Variants in TIAM1 observed in about 807,000 individuals in gnomAD.
TIAM1 encodes the protein TIAM Rac1 associated GEF 1.
A neutral mutation model predicts 163.5 loss-of-function variants in TIAM1; 65 were observed. The observed-to-expected ratio is 0.40, with a 90% CI of 0.33 to 0.49. TIAM1 has a LOEUF of 0.49. Ranked by LOEUF, TIAM1 falls within the 20% of genes least tolerant of loss-of-function variation. The probability of loss-of-function intolerance (pLI) is 0.77; values close to 1 mark genes in which losing one functional copy is unlikely to be tolerated. For synonymous variants in TIAM1, 833 were observed against 810.1 expected (o/e 1.03, Z -0.48); for missense variants, 1,789 against 2,044.7 (o/e 0.87, Z 2.41).
chr21:31,375,821 G>A (rs1173243440), intron 2 of TIAM1, among the ~76,000 whole-genome samples: 1 of 152,162 alleles, frequency 6.6e-6, no homozygotes, highest in Non-Finnish European at 1.5e-5. Context: ...AAGGTCAGGA[G>A]TTCGAGACCA....
chr21:31,179,620 C>T lies in TIAM1; in HGVS notation c.2887+2801G>A, dbSNP rs2084922049. 2.0e-5 allele frequency among the ~76,000 whole-genome samples: 3 copies of T among 151,350 alleles called. No individual in the cohort carries two copies. In the South Asian group the frequency reaches 6.3e-4, roughly 32 times the overall value. Reference sequence around the variant, plus strand: ...TGTGTTTTAAAATAATGGCAGGGTCCATGGATTTAGCGCACAGCCTCCAAA... The same window carrying T: ...TGTGTTTTAAAATAATGGCAGGGTCTATGGATTTAGCGCACAGCCTCCAAA... On this transcript the variant is annotated intron_variant, in intron 15 of 27. Transcript: ENST00000541036.
rs970090334 is a variant in TIAM1 at position 31,353,568 on chromosome 21, C to T, written c.-368-14146G>A. ...TAGGGGCTGCTCATTCAATTTTCTA[C>T]CTGGTCCTCATGACAGCTCAGCAAG... On this transcript the variant is annotated intron_variant, in intron 2 of 28. Transcript: ENST00000286827. 1.6e-4 allele frequency among the ~76,000 whole-genome samples: 24 copies of T among 152,164 alleles called. 1 individual carries two copies. Among genetic ancestry groups the T allele is most frequent in the Non-Finnish European group, 2.1e-4 (14 of 68,038 alleles).
chr21:31,365,033 C>T (rs2076475482), intron 2 of TIAM1, among the ~76,000 whole-genome samples: 1 of 152,208 alleles, frequency 6.6e-6, no homozygotes, highest in African/African-American at 2.4e-5. Flanking sequence ...ATGATTTTTA[C>T]ATGACACCAA....
intron 2 of TIAM1, among the ~76,000 whole-genome samples, chr21:31,430,069 T>C (rs976909573): frequency 3.3e-5 from 5 of 151,660 alleles, no homozygotes; most frequent in African/African-American, 1.2e-4. Flanking sequence ...TAGCCAGGCG[T>C]GTTGGCGGGT....
At chr21:31,224,431 A>C (rs990510217) in intron 7 of TIAM1, among the ~76,000 whole-genome samples, 6 of 152,244 alleles carry the variant, frequency 3.9e-5, no homozygotes, top group African/African-American at 1.4e-4. Context: ...GATGTATGCT[A>C]CCATGTGTAT....
intron 13 of TIAM1, among the ~76,000 whole-genome samples, chr21:31,194,306 CT>C: frequency 6.6e-6 from 1 of 152,274 alleles, no homozygotes; most frequent in African/African-American, 2.4e-5. Context: ...AGAGGCTGAG[CT>C]CTGTGGGTCT....
At chr21:31,504,266 G>T (rs975701382) in intron 1 of TIAM1, among the ~76,000 whole-genome samples, 1 of 152,192 alleles carries the variant, frequency 6.6e-6, no homozygotes, top group Non-Finnish European at 1.5e-5. Flanking sequence ...AGGTAAAAGG[G>T]AGATCTGATT....
chr21:31,127,038 G>C (rs1377059221), intron 26 of TIAM1, 27 bp downstream of exon 26: 1 of 1,610,878 alleles, frequency 6.2e-7, no homozygotes, highest in Non-Finnish European at 8.5e-7. Context: ...TGTCAACACG[G>C]CCTCGACTTT....
chr21:31,209,991 T>C lies in TIAM1; in HGVS notation c.2388+54A>G, dbSNP rs148096911. ...GGGTTTCCACATGTGCCTTAGAAGA[T>C]TGCTACACCCCATTCTGCTCTTCTT... On this transcript the variant is annotated intron_variant, in intron 11 of 27. Coordinates refer to ENST00000541036, the MANE Select transcript of TIAM1 (RefSeq NM_001353694.2). 2.0e-4 allele frequency: 313 copies of C among 1,562,714 alleles called. No individual in the cohort carries two copies. In the African/African-American group the frequency reaches 3.7e-3, roughly 18 times the overall value.
At chr21:31,161,395 AG>A (rs2083915174) in intron 16 of TIAM1, among the ~76,000 whole-genome samples, 2 of 152,174 alleles carry the variant, frequency 1.3e-5, no homozygotes, top group Admixed American at 6.5e-5. Flanking sequence ...CACAGGAGAG[AG>A]GAGGCGGCTC....
chr21:31,196,907 A>C (rs544818022), intron 12 of TIAM1, among the ~76,000 whole-genome samples: 1 of 152,350 alleles, frequency 6.6e-6, no homozygotes, highest in Non-Finnish European at 1.5e-5. Flanking sequence ...AATACTATGT[A>C]GCCATGAAAA....
chr21:31,144,415 G>A (rs548588439), intron 20 of TIAM1, among the ~76,000 whole-genome samples: 41 of 152,334 alleles, frequency 2.7e-4, no homozygotes, highest in Non-Finnish European at 4.9e-4. Flanking sequence ...AGTTCACAGC[G>A]CTTGGCGCAG....
At chr21:31,459,564 A>T (rs1005958415) in intron 2 of TIAM1, among the ~76,000 whole-genome samples, 2 of 152,224 alleles carry the variant, frequency 1.3e-5, no homozygotes, top group African/African-American at 4.8e-5. Flanking sequence ...ATGTTTAATT[A>T]TTAGTGGTCT....
intron 2 of TIAM1, among the ~76,000 whole-genome samples, chr21:31,329,332 G>C (rs16988108): frequency 8.5e-5 from 13 of 152,208 alleles, no homozygotes; most frequent in Admixed American, 1.3e-4. Context: ...AAGACAACCC[G>C]CAAGAAGAAA....
chr21:31,403,295 G>A (rs958338066), intron 2 of TIAM1, among the ~76,000 whole-genome samples: 3 of 151,954 alleles, frequency 2.0e-5, no homozygotes, highest in African/African-American at 7.3e-5. Flanking sequence ...CTACAGACGC[G>A]TGCCACCACA....
intron 1 of TIAM1, among the ~76,000 whole-genome samples, chr21:31,515,471 C>G (rs1162612484): frequency 6.6e-6 from 1 of 152,176 alleles, no homozygotes; most frequent in Non-Finnish European, 1.5e-5. Flanking sequence ...ACTTCAACAG[C>G]CATAATCACT....
intron 2 of TIAM1, among the ~76,000 whole-genome samples, chr21:31,367,679 T>C (rs1428537449): frequency 1.3e-5 from 2 of 152,324 alleles, no homozygotes; most frequent in Admixed American, 1.3e-4. Flanking sequence ...GACCTGTTTA[T>C]CAGCAAAAGC....
intron 1 of TIAM1, among the ~76,000 whole-genome samples, chr21:31,477,650 T>C (rs1225845899): frequency 1.3e-5 from 2 of 152,058 alleles, no homozygotes; most frequent in African/African-American, 4.8e-5. Context: ...GATTTTTGTA[T>C]TTTTAGGAGA....
chr21:31,301,647 C>G (rs2074504999), intron 2 of TIAM1, among the ~76,000 whole-genome samples: 1 of 151,994 alleles, frequency 6.6e-6, no homozygotes, highest in Non-Finnish European at 1.5e-5. Context: ...CGAGACAAGC[C>G]TGGCCAACAT....
Sources: gnomAD v4.1 joint callset for allele counts (sites outside exome capture counted in the v4.1 genomes callset) on GRCh38, gnomAD v4.1.1 for gene constraint, MANE v1.5 for transcripts, NCBI Gene and HGNC (gene_info 2026-07-23, HGNC 2026-07-21) for gene names.